The following ALK variants were observed in gnomAD, a reference collection of about 807,000 sequenced individuals.
ALK encodes ALK tyrosine kinase receptor.
Under a neutral mutation model 163.1 loss-of-function variants are expected in ALK, and 74 were observed. The ratio of observed to expected loss-of-function variants is 0.45; its 90% CI spans 0.38 to 0.55. The LOEUF (loss-of-function observed/expected upper bound fraction) is 0.55. Among genes scored for constraint, ALK ranks in the 20% least tolerant of loss-of-function variants. ALK has a pLI of 0.00. For missense variants in ALK, 2,063 were observed against 2,105.3 expected (o/e 0.98, Z 0.39); for synonymous variants, 960 against 843.2 (o/e 1.14, Z -2.40).
chr2:29,225,596 A>G (rs2148176685), intron 18 of ALK, 31 bp from the exon 19 acceptor site: 2 of 1,572,266 alleles, frequency 1.3e-6, no homozygotes, highest in Non-Finnish European at 1.7e-6. Flanking sequence ...GGGTATTGAC[A>G]ACCACACCAG....
intron 26 of ALK, among the ~76,000 whole-genome samples, chr2:29,205,061 T>A (rs1669278050): frequency 6.6e-6 from 1 of 152,230 alleles, no homozygotes; most frequent in East Asian, 1.9e-4. Context: ...CCTATCTCCT[T>A]GAGGCCACCT....
chr2:29,577,664 C>T, intron 3 of ALK, among the ~76,000 whole-genome samples: 1 of 152,186 alleles, frequency 6.6e-6, no homozygotes, highest in East Asian at 1.9e-4. Context: ...TGCAACCTCC[C>T]CCAGCTCTGC....
chr2:29,874,764 G>A (rs191805247), intron 1 of ALK, among the ~76,000 whole-genome samples: 59 of 152,208 alleles, frequency 3.9e-4, no homozygotes, highest in African/African-American at 1.4e-3. Context: ...ATATCAGAGG[G>A]GCCTTTGTAA....
At chr2:29,841,089 C>T (rs1665685708) in intron 1 of ALK, among the ~76,000 whole-genome samples, 1 of 152,078 alleles carries the variant, frequency 6.6e-6, no homozygotes, top group African/African-American at 2.4e-5. Context: ...AAATCATATT[C>T]GGCCAGATTT....
At chr2:29,667,690 C>T (rs1226885151) in intron 3 of ALK, among the ~76,000 whole-genome samples, 2 of 151,722 alleles carry the variant, frequency 1.3e-5, no homozygotes, top group Non-Finnish European at 2.9e-5. Flanking sequence ...ATTAGATTTG[C>T]CTATATTTTG....
Position 29,272,185 on chromosome 2 carries a change from GGAGAGAGAGA to G in ALK, c.2041+2904_2041+2913del, listed in dbSNP as rs57649688. On this transcript the variant is annotated intron_variant, in intron 11 of 28. Coordinates refer to ENST00000389048, the MANE Select transcript of ALK (RefSeq NM_004304.5). ...AGAGAGAAGGAGGGAGTCGGGTGAG[GGAGAGAGAGA>G]GAGAGAGAGAGAGAGAAGAACCTGG... Among the ~76,000 whole-genome samples, 793 of 145,236 alleles carry G rather than the reference GGAGAGAGAGA, an allele frequency of 5.5e-3. 14 individuals are homozygous for G. The highest frequency in any genetic ancestry group is 0.019 in the African/African-American group (762 of 39,714).
At chr2:29,871,131 A>G (rs1248419999) in intron 1 of ALK, among the ~76,000 whole-genome samples, 1 of 152,172 alleles carries the variant, frequency 6.6e-6, no homozygotes. Context: ...GCTTTAGGAA[A>G]GTTGACAGAT....
intron 1 of ALK, among the ~76,000 whole-genome samples, chr2:29,720,594 A>T (rs537978873): frequency 6.6e-6 from 1 of 152,216 alleles, no homozygotes; most frequent in Admixed American, 6.5e-5. Context: ...AGCCCACATG[A>T]ATGCAGTTGT....
chr2:29,886,723 C>G (rs946161159), intron 1 of ALK, among the ~76,000 whole-genome samples: 1 of 152,170 alleles, frequency 6.6e-6, no homozygotes, highest in African/African-American at 2.4e-5. Flanking sequence ...GTTATATCAC[C>G]CCTTTTGGCC....
chr2:29,476,612 A>AC (rs1476688643), intron 4 of ALK, among the ~76,000 whole-genome samples: 1 of 151,936 alleles, frequency 6.6e-6, no homozygotes, highest in Non-Finnish European at 1.5e-5. Context: ...TAGCCCTGAG[A>AC]CCCGGGGGAG....
At chr2:29,704,272 G>T (rs1301693406) in intron 2 of ALK, among the ~76,000 whole-genome samples, 1 of 152,178 alleles carries the variant, frequency 6.6e-6, no homozygotes, top group Non-Finnish European at 1.5e-5. Context: ...AACTCTCTCA[G>T]TGGCCACTAA....
chr2:29,532,008 T>TGCCTGTGCACC lies in ALK; in HGVS notation c.1050_1060dup (p.His354ArgfsTer28). 1 of 1,614,138 alleles carries TGCCTGTGCACC rather than the reference T, an allele frequency of 6.2e-7. No individual in the cohort carries two copies. Among genetic ancestry groups the TGCCTGTGCACC allele is most frequent in the Non-Finnish European group, 8.5e-7 (1 of 1,180,004 alleles). On this transcript the variant is annotated frameshift_variant, in exon 4 of 29. Transcript: ENST00000389048. LOFTEE classifies it high-confidence loss of function. Reference sequence around the variant, plus strand: ...AATGTACCTTCCAGAGGGCTGCAGGTGCCTGTGCACCGAGACGGCCAGTGT... The same window carrying TGCCTGTGCACC: ...AATGTACCTTCCAGAGGGCTGCAGGTGCCTGTGCACCGCCTGTGCACCGAGACGGCCAGTGT...
At chr2:29,359,856 G>A (rs1668347130) in intron 5 of ALK, among the ~76,000 whole-genome samples, 1 of 152,184 alleles carries the variant, frequency 6.6e-6, no homozygotes, top group Admixed American at 6.5e-5. Flanking sequence ...CGGCCCTTTG[G>A]TGGTGCCTAA....
intron 8 of ALK, among the ~76,000 whole-genome samples, chr2:29,312,979 A>AG (rs1666733501): frequency 6.6e-6 from 1 of 152,008 alleles, no homozygotes; most frequent in Non-Finnish European, 1.5e-5. Context: ...ACTTGGGCTT[A>AG]GTGAGGGAGA....
At chr2:29,596,013 G>C (rs978256260) in intron 3 of ALK, among the ~76,000 whole-genome samples, 1 of 152,170 alleles carries the variant, frequency 6.6e-6, no homozygotes, top group East Asian at 1.9e-4. Flanking sequence ...GAGAGTAAAC[G>C]AGTGTCCACT....
intron 3 of ALK, among the ~76,000 whole-genome samples, chr2:29,595,264 G>C (rs1011193415): frequency 2.6e-5 from 4 of 151,484 alleles, no homozygotes; most frequent in Non-Finnish European, 5.9e-5. Context: ...GTGATCCCAG[G>C]TGGAAGCAGA....
intron 1 of ALK, among the ~76,000 whole-genome samples, chr2:29,769,719 C>T (rs1244977523): frequency 1.3e-5 from 2 of 152,118 alleles, no homozygotes; most frequent in Admixed American, 6.5e-5. Flanking sequence ...AACACAAAAA[C>T]GTGACATGAA....
chr2:29,227,703 T>C lies in ALK; in HGVS notation c.2816-31A>G, dbSNP rs777724483. On this transcript the variant is annotated intron_variant, in intron 16 of 28. Transcript: ENST00000389048. This position sits in a 1 kb window ranked among gnomAD's most constrained non-coding sequence, Gnocchi z 4.4. Reference sequence around the variant, plus strand: ...TAGCAAACCAGAGCAGAGTTTAACATGGGGGGTGGGTGCCAAAATCTTAAC... The same window carrying C: ...TAGCAAACCAGAGCAGAGTTTAACACGGGGGGTGGGTGCCAAAATCTTAAC... 1 of 1,584,402 alleles carries C rather than the reference T, an allele frequency of 6.3e-7. No individual in the cohort carries two copies. Among genetic ancestry groups the C allele is most frequent in the Non-Finnish European group, 8.7e-7 (1 of 1,154,166 alleles).
intron 5 of ALK, among the ~76,000 whole-genome samples, chr2:29,372,462 A>G (rs1403818427): frequency 1.3e-5 from 2 of 152,232 alleles, no homozygotes; most frequent in Non-Finnish European, 2.9e-5. Flanking sequence ...AGAGCCGCCA[A>G]GGCCACTGGG....
Sources: gnomAD v4.1 joint callset for allele counts (sites outside exome capture counted in the v4.1 genomes callset) on GRCh38, gnomAD v4.1.1 for gene constraint, Gnocchi (gnomAD v3.1) non-coding constraint, MANE v1.5 for transcripts, NCBI Gene and HGNC (gene_info 2026-07-23, HGNC 2026-07-21) for gene names.